The following PALM2AKAP2 variants were observed in gnomAD, a reference collection of about 807,000 sequenced individuals.
PALM2AKAP2 encodes PALM2-AKAP2 fusion protein.
Under a neutral mutation model 71.5 loss-of-function variants are expected in PALM2AKAP2, and 37 were observed. The ratio of observed to expected loss-of-function variants is 0.52; its 90% CI spans 0.40 to 0.68. The LOEUF is 0.68. Ranked by LOEUF, PALM2AKAP2 falls within the 30% of genes least tolerant of loss-of-function variation. PALM2AKAP2 has a pLI of 0.00. For synonymous variants in PALM2AKAP2, 468 were observed against 478.8 expected (o/e 0.98, Z 0.29); for missense variants, 1,224 against 1,191.8 (o/e 1.03, Z -0.40).
chr9:110,026,153 T>C (rs260189), intron 7 of PALM2AKAP2, among the ~76,000 whole-genome samples: 101,783 of 152,048 alleles, frequency 0.67, 34,617 homozygotes, highest in African/African-American at 0.8. Flanking sequence ...GATCATGGCT[T>C]ACTGCAGCCT....
At chr9:109,875,061 C>G (rs1268803068) in intron 2 of PALM2AKAP2, among the ~76,000 whole-genome samples, 1 of 152,200 alleles carries the variant, frequency 6.6e-6, no homozygotes, top group African/African-American at 2.4e-5. Context: ...AGAATCCTAC[C>G]TAATCTGGCC....
intron 6 of PALM2AKAP2, among the ~76,000 whole-genome samples, chr9:109,952,618 A>C (rs1347977251): frequency 4.6e-5 from 7 of 152,272 alleles, no homozygotes; most frequent in African/African-American, 1.2e-4. Flanking sequence ...TGGGGATACC[A>C]GAACTGGGTG....
At chr9:110,014,823 T>TAC (rs1832950671) in intron 6 of PALM2AKAP2, among the ~76,000 whole-genome samples, 2 of 91,286 alleles carry the variant, frequency 2.2e-5, no homozygotes, top group African/African-American at 7.4e-5. Flanking sequence ...TATATATATA[T>TAC]ATATATATAT....
In PALM2AKAP2 at chr9:109,683,970, A is replaced by G. The variant is rs555837741; in HGVS notation, c.5+43104A>G. 1.2e-3 allele frequency among the ~76,000 whole-genome samples: 179 copies of G among 152,300 alleles called. 1 individual carries two copies. Among genetic ancestry groups the G allele is most frequent in the African/African-American group, 4.0e-3 (168 of 41,574 alleles). ...AATGAGATAATGTATATCTCATAAT[A>G]AGACAGTGTATATTAATGCTTAGCA... On this transcript the variant is annotated intron_variant, in intron 1 of 6. Coordinates refer to the PALM2AKAP2 transcript ENST00000374531.
intron 1 of PALM2AKAP2, among the ~76,000 whole-genome samples, chr9:109,737,966 C>A (rs1269304002): frequency 6.6e-6 from 1 of 152,174 alleles, no homozygotes; most frequent in East Asian, 1.9e-4. Flanking sequence ...GGCTTTGATG[C>A]CTTGGCATGG....
chr9:109,783,215 C>G (rs1826865695), intron 1 of PALM2AKAP2, among the ~76,000 whole-genome samples: 1 of 152,076 alleles, frequency 6.6e-6, no homozygotes, highest in Non-Finnish European at 1.5e-5. Flanking sequence ...TGGCAGGTAG[C>G]TGTCATTGGA....
At chr9:109,673,815 A>G (rs1438999819) in intron 1 of PALM2AKAP2, among the ~76,000 whole-genome samples, 1 of 151,904 alleles carries the variant, frequency 6.6e-6, no homozygotes, top group Admixed American at 6.6e-5. Flanking sequence ...AAATAGTTAC[A>G]TTATCTTGTT....
intron 1 of PALM2AKAP2, among the ~76,000 whole-genome samples, chr9:109,716,149 A>G (rs1404735617): frequency 1.3e-5 from 2 of 152,330 alleles, no homozygotes; most frequent in Admixed American, 1.3e-4. Flanking sequence ...ATCTGGAAAA[A>G]TAAAAAGTTT....
chr9:109,746,814 G>A (rs1828808966), intron 1 of PALM2AKAP2, among the ~76,000 whole-genome samples: 1 of 152,192 alleles, frequency 6.6e-6, no homozygotes, highest in African/African-American at 2.4e-5. Flanking sequence ...CTTGCCCAAA[G>A]TCACACAGCT....
intron 6 of PALM2AKAP2, among the ~76,000 whole-genome samples, chr9:109,986,746 C>T (rs1162400380): frequency 6.6e-6 from 1 of 152,118 alleles, no homozygotes; most frequent in Non-Finnish European, 1.5e-5. Context: ...CTGTGTGTTT[C>T]ATATGTTTTG....
intron 1 of PALM2AKAP2, among the ~76,000 whole-genome samples, chr9:109,796,919 A>C (rs1318992800): frequency 6.6e-6 from 1 of 152,208 alleles, no homozygotes; most frequent in East Asian, 1.9e-4. Flanking sequence ...CTAATGATCT[A>C]CCTGGGGCTT....
intron 3 of PALM2AKAP2, among the ~76,000 whole-genome samples, chr9:109,882,725 G>A (rs189975247): frequency 3.9e-5 from 6 of 152,038 alleles, no homozygotes; most frequent in East Asian, 3.9e-4. Context: ...TCACTGCAGC[G>A]TCAAACTTCT....
chr9:110,128,573 G>A (rs992782294), intron 1 of PALM2AKAP2, among the ~76,000 whole-genome samples: 1 of 152,258 alleles, frequency 6.6e-6, no homozygotes, highest in Admixed American at 6.5e-5. Flanking sequence ...CATGGCTTTA[G>A]TAGGAAGTAA....
chr9:109,745,153 C>A (rs1828778644), intron 1 of PALM2AKAP2, among the ~76,000 whole-genome samples: 1 of 152,138 alleles, frequency 6.6e-6, no homozygotes, highest in Non-Finnish European at 1.5e-5. Flanking sequence ...ATCATTTAGA[C>A]CACTGCCATG....
At chr9:110,001,732 C>T (rs1248996343) in intron 6 of PALM2AKAP2, among the ~76,000 whole-genome samples, 1 of 152,144 alleles carries the variant, frequency 6.6e-6, no homozygotes, top group African/African-American at 2.4e-5. Context: ...TCCTTCATGT[C>T]CCTTGTAAAT....
chr9:109,861,586 G>C (rs2131669541), intron 1 of PALM2AKAP2, among the ~76,000 whole-genome samples: 1 of 152,222 alleles, frequency 6.6e-6, no homozygotes, highest in East Asian at 1.9e-4. Flanking sequence ...CTAATGGATT[G>C]AGATCACGTC....
At chr9:109,790,139 A>G (rs77842964) in intron 1 of PALM2AKAP2, among the ~76,000 whole-genome samples, 2,363 of 152,296 alleles carry the variant, frequency 0.016, 64 homozygotes, top group African/African-American at 0.054. Flanking sequence ...TAGATGAAAA[A>G]GCTGTGGGCC....
At chr9:110,025,399 CTT>C (rs34276135) in intron 7 of PALM2AKAP2, 2,671 of 656,864 alleles carry the variant, frequency 4.1e-3, no homozygotes, top group South Asian at 5.4e-3. Flanking sequence ...GCCCGAAAGG[CTT>C]TTTTTTTTTT....
At chr9:109,664,800 A>C (rs1463413116) in intron 1 of PALM2AKAP2, among the ~76,000 whole-genome samples, 1 of 152,148 alleles carries the variant, frequency 6.6e-6, no homozygotes, top group African/African-American at 2.4e-5. Flanking sequence ...ACTTGGTTCC[A>C]TTCTCCCCAT....
Sources: allele counts gnomAD v4.1 joint callset (sites outside exome capture counted in the v4.1 genomes callset), GRCh38; gene constraint gnomAD v4.1.1; transcripts MANE v1.5; gene names NCBI Gene and HGNC (gene_info 2026-07-23, HGNC 2026-07-21).